EIF3E: variants seen among roughly 807,000 people sequenced by gnomAD.
EIF3E encodes eukaryotic translation initiation factor 3 subunit E.
In EIF3E, 25 loss-of-function variants were observed where a neutral mutation model predicts 59.3. The observed-to-expected ratio is 0.42, with a 90% CI of 0.31 to 0.59. The LOEUF (loss-of-function observed/expected upper bound fraction) is 0.59, where lower values mean the gene tolerates loss of function less well. EIF3E is among the 20% of genes least tolerant of loss of function. The probability of loss-of-function intolerance (pLI) is 0.15; values close to 1 mark genes in which losing one functional copy is unlikely to be tolerated. For synonymous variants in EIF3E, 176 were observed against 170.2 expected (o/e 1.03, Z -0.26); for missense variants, 317 against 534.3 (o/e 0.59, Z 4.01).
At chr8:108,211,349 G>A (rs1815206720) in intron 10 of EIF3E, among the ~76,000 whole-genome samples, 1 of 152,124 alleles carries the variant, frequency 6.6e-6, no homozygotes, top group Admixed American at 6.5e-5. Context: ...GATGGCCAGT[G>A]ATGATGAGCA....
intron 11 of EIF3E, 41 bp from the exon 12 acceptor site, chr8:108,203,158 G>T: frequency 1.3e-6 from 2 of 1,595,752 alleles, no homozygotes; most frequent in South Asian, 2.3e-5. Context: ...TAATGTTAAT[G>T]ACTGAGTTTC....
intron 2 of EIF3E, among the ~76,000 whole-genome samples, chr8:108,241,568 T>C (rs1056436841): frequency 2.0e-5 from 3 of 152,236 alleles, no homozygotes. Context: ...ATACATACTA[T>C]GAAATGAAGG....
chr8:108,228,622 C>T (rs10046714), intron 6 of EIF3E, among the ~76,000 whole-genome samples: 7,273 of 152,140 alleles, frequency 0.048, 331 homozygotes, highest in African/African-American at 0.12. Context: ...CTACTGAAGA[C>T]GCTCTAATTT....
chr8:108,246,918 C>T (rs1024291039), intron 1 of EIF3E, among the ~76,000 whole-genome samples: 2 of 152,180 alleles, frequency 1.3e-5, no homozygotes, highest in East Asian at 3.8e-4. Flanking sequence ...TCTCAGTAAG[C>T]CTTCCTGTCA....
At chr8:108,246,720 T>A (rs1815956837) in intron 1 of EIF3E, among the ~76,000 whole-genome samples, 1 of 152,050 alleles carries the variant, frequency 6.6e-6, no homozygotes, top group Admixed American at 6.5e-5. Context: ...GACCAACCCC[T>A]CCTTTTACTC....
chr8:108,212,438 T>G (rs1451710654), intron 10 of EIF3E, among the ~76,000 whole-genome samples: 2 of 152,212 alleles, frequency 1.3e-5, no homozygotes, highest in African/African-American at 4.8e-5. Context: ...GTCCTTCACC[T>G]GAAAAGTAAC....
chr8:108,205,633 C>G (rs1345956241), intron 10 of EIF3E, among the ~76,000 whole-genome samples: 2 of 152,180 alleles, frequency 1.3e-5, no homozygotes, highest in Non-Finnish European at 2.9e-5. Context: ...ATGATGACAT[C>G]TTGTATTGTC....
intron 5 of EIF3E, among the ~76,000 whole-genome samples, chr8:108,232,897 A>G (rs963999610): frequency 1.4e-4 from 22 of 152,230 alleles, no homozygotes; most frequent in Non-Finnish European, 1.5e-5. Flanking sequence ...TGGAACTCTA[A>G]CATGACACTA....
intron 5 of EIF3E, among the ~76,000 whole-genome samples, chr8:108,234,027 G>A (rs904568001): frequency 3.3e-5 from 5 of 151,742 alleles, no homozygotes; most frequent in African/African-American, 9.7e-5. Flanking sequence ...CAATTTGAAG[G>A]CCTGATATAT....
intron 3 of EIF3E, among the ~76,000 whole-genome samples, chr8:108,239,398 CGCCATGTT>C (rs1424238640): frequency 3.3e-5 from 5 of 152,128 alleles, no homozygotes; most frequent in Non-Finnish European, 7.4e-5. Flanking sequence ...TAGAGGGTTT[CGCCATGTT>C]GCCCAGGCTG....
intron 7 of EIF3E, chr8:108,227,154 G>C (rs999119053): frequency 1.3e-5 from 2 of 152,026 alleles, no homozygotes; most frequent in Non-Finnish European, 2.9e-5. Context: ...GTGAAACCCT[G>C]TCTTACAAAA....
chr8:108,204,408 A>G (rs909372110), intron 10 of EIF3E, among the ~76,000 whole-genome samples: 10 of 152,078 alleles, frequency 6.6e-5, no homozygotes, highest in African/African-American at 2.2e-4. Flanking sequence ...AGCAATTTGG[A>G]TGAAACTGGA....
chr8:108,245,033 T>C (rs1422108841), intron 1 of EIF3E, among the ~76,000 whole-genome samples: 1 of 152,038 alleles, frequency 6.6e-6, no homozygotes, highest in Non-Finnish European at 1.5e-5. Flanking sequence ...AGTTGGGCCC[T>C]CCACACTTAA....
chr8:108,238,143 G>A (rs140247712), intron 3 of EIF3E, among the ~76,000 whole-genome samples: 1 of 152,202 alleles, frequency 6.6e-6, no homozygotes, highest in East Asian at 1.9e-4. Flanking sequence ...GATTATTTCC[G>A]CTGTCCCTTT....
chr8:108,226,230 G>A (rs547453572), intron 7 of EIF3E: 1 of 117,106 alleles, frequency 8.5e-6, no homozygotes, highest in South Asian at 2.6e-4. Context: ...CTTCACTCTT[G>A]TTGCCTAGGC....
At chr8:108,248,489 G>T in intron 1 of EIF3E, 124 bp downstream of exon 1, 3 of 875,178 alleles carry the variant, frequency 3.4e-6, no homozygotes, top group South Asian at 1.6e-5. Context: ...CTTAGTGTCC[G>T]TCCAGGAACC....
intron 1 of EIF3E, among the ~76,000 whole-genome samples, chr8:108,243,117 A>G (rs1038047165): frequency 3.3e-5 from 5 of 152,224 alleles, no homozygotes; most frequent in African/African-American, 1.2e-4. Flanking sequence ...CTCATAATAG[A>G]TTAACATTCG....
chr8:108,224,890 T>C (rs906873138), intron 7 of EIF3E, among the ~76,000 whole-genome samples: 14 of 151,606 alleles, frequency 9.2e-5, no homozygotes, highest in African/African-American at 3.2e-4. Context: ...CACCACACTT[T>C]TGCAGTTTTA....
intron 1 of EIF3E, chr8:108,243,282 C>T (rs756839427): frequency 6.6e-6 from 1 of 152,224 alleles, no homozygotes; most frequent in Non-Finnish European, 1.5e-5. Flanking sequence ...AATCATCAGA[C>T]TACAGCTTAC....
Sources: allele counts gnomAD v4.1 joint callset (sites outside exome capture counted in the v4.1 genomes callset), GRCh38; gene constraint gnomAD v4.1.1; transcripts MANE v1.5; gene names NCBI Gene and HGNC (gene_info 2026-07-23, HGNC 2026-07-21).